Variants in CCND3 observed in about 807,000 individuals in gnomAD.
The protein encoded by CCND3 is cyclin D3.
A neutral mutation model predicts 28.7 loss-of-function variants in CCND3; 9 were observed. The ratio of observed to expected loss-of-function variants is 0.31; its 90% CI spans 0.19 to 0.55. The LOEUF (loss-of-function observed/expected upper bound fraction) is 0.55, where lower values mean the gene tolerates loss of function less well. Among genes scored for constraint, CCND3 ranks in the 20% least tolerant of loss-of-function variants. The pLI is 0.93. For synonymous variants in CCND3, 164 were observed against 163.9 expected (o/e 1.00, Z 0.00); for missense variants, 315 against 385.8 (o/e 0.82, Z 1.54).
chr6:42,010,987 G>C (rs1351316847), intron 1 of CCND3: 1 of 152,092 alleles, frequency 6.6e-6, no homozygotes, highest in Admixed American at 6.6e-5. Flanking sequence ...CACTTCAGGA[G>C]TTCATCCAAG....
In CCND3 at chr6:42,036,377, CTATATA is replaced by C. The variant is rs1162806893; in HGVS notation, c.-46+12118_-46+12123del. Among the ~76,000 whole-genome samples, 356 of 59,530 alleles carry C rather than the reference CTATATA, an allele frequency of 6.0e-3. 9 individuals carry two copies. The highest frequency in any genetic ancestry group is 8.8e-3 in the East Asian group (13 of 1,474). The allele number at this position is 59,530 out of a possible 152,430, so 39.1% of individuals were successfully genotyped here. A position where few individuals can be genotyped will look rare whatever the true frequency, so the allele number is the denominator to read the frequency against. On this transcript the variant is annotated intron_variant, in intron 1 of 4. Transcript: ENST00000372988. The stretch of plus-strand genomic sequence containing the variant: ...TTGCCCAGGCTGGAGTGCATATATA[CTATATA>C]TATATATATATATATATATATTTTT...
At position 41,983,631 on chromosome 6, in the gene CCND3, G is replaced by A. The variant is rs561804345; in HGVS notation, c.-45-43046C>T. On this transcript the variant is annotated intron_variant, in intron 1 of 4. Transcript: ENST00000372988. ...AGACAGATTAGATTGCTTGAGCCTA[G>A]GAATTCAAGACCCGCCTGGGCAACA... Among the ~76,000 whole-genome samples, 5 of 152,184 alleles carry A rather than the reference G, an allele frequency of 3.3e-5. No homozygotes were observed. The South Asian group carries it at 8.3e-4, about 25-fold the overall frequency.
Position 41,938,202 on chromosome 6 carries a change from C to T in CCND3, c.415-808G>A, listed in dbSNP as rs1021122036. ...AGGTCTCGGGAGAAGGCTGGGAGCT[C>T]CACCCCAGTCCACTCGTCATGGGTT... On this transcript the variant is annotated intron_variant, in intron 2 of 4. Transcript: ENST00000372991. This position sits in a 1 kb window ranked among gnomAD's most constrained non-coding sequence, Gnocchi z 4.6. The T allele has an allele frequency of 1.8e-4, 28 of 152,310 alleles. No homozygotes were observed. Among genetic ancestry groups the T allele is most frequent in the African/African-American group, 5.5e-4 (23 of 41,458 alleles). The allele number at this position is 152,310 out of a possible 1,614,324, so 9.4% of individuals were successfully genotyped here.
At chr6:42,043,831 G>A (rs4346850) in intron 1 of CCND3, among the ~76,000 whole-genome samples, 1 of 152,024 alleles carries the variant, frequency 6.6e-6, no homozygotes, top group Non-Finnish European at 1.5e-5. Flanking sequence ...ACCAGCAACC[G>A]TCTCCTTCCA....
intron 1 of CCND3, among the ~76,000 whole-genome samples, chr6:42,036,361 C>CTGGA (rs1173615771): frequency 8.4e-6 from 1 of 118,572 alleles, no homozygotes; most frequent in Non-Finnish European, 1.7e-5. Context: ...GTTGCCCAGG[C>CTGGA]TGGAGTGCAT....
intron 1 of CCND3, among the ~76,000 whole-genome samples, chr6:41,999,845 C>T (rs1053358274): frequency 3.9e-5 from 6 of 152,108 alleles, no homozygotes; most frequent in Middle Eastern, 3.2e-3. Flanking sequence ...GAGCTATGAT[C>T]GTGCCACTGC....
In CCND3 at chr6:41,936,023, C is replaced by G. The variant is rs2127389523; in HGVS notation, c.796G>C (p.Ala266Pro). The G allele has an allele frequency of 6.2e-7, 1 of 1,613,412 alleles. No individual in the cohort carries two copies. Among genetic ancestry groups the G allele is most frequent in the Non-Finnish European group, 8.5e-7 (1 of 1,179,624 alleles). Reference sequence around the variant, plus strand: ...CTGGAGCCCCGGGGGGCTTTGGGCGCTGGGCTGGAGCTGGTCTGAGAGGCT... The same window carrying G: ...CTGGAGCCCCGGGGGGCTTTGGGCGGTGGGCTGGAGCTGGTCTGAGAGGCT... The part of the protein sequence containing the change: ...REASQTSSSP[A>P]PKAPRGSSSQ... The change falls in exon 5 of 5, where the codon GCG becomes CCG. Residue 266 changes from alanine to proline, a missense_variant. By Grantham distance (27) the Ala-to-Pro change is conservative. Transcript: ENST00000372991. This position sits in a 1 kb window ranked among gnomAD's most constrained non-coding sequence, Gnocchi z 4.4.
intron 1 of CCND3, among the ~76,000 whole-genome samples, chr6:41,993,715 G>C (rs544600494): frequency 6.6e-6 from 1 of 151,716 alleles, no homozygotes; most frequent in African/African-American, 2.4e-5. Flanking sequence ...ACGAGGTCAG[G>C]AGTTTGAGAC....
intron 1 of CCND3, among the ~76,000 whole-genome samples, chr6:41,960,537 C>T (rs1262286601): frequency 1.3e-5 from 2 of 152,200 alleles, no homozygotes; most frequent in Non-Finnish European, 1.5e-5. Flanking sequence ...GTGAATCCCA[C>T]CTCTACCACT....
At chr6:41,963,001 T>G (rs1761763770) in intron 1 of CCND3, among the ~76,000 whole-genome samples, 1 of 152,308 alleles carries the variant, frequency 6.6e-6, no homozygotes, top group East Asian at 1.9e-4. Context: ...TCTGCCCGCC[T>G]CGGCCTCCCA....
At chr6:42,015,934 T>A (rs563265424) in intron 1 of CCND3, among the ~76,000 whole-genome samples, 5 of 151,738 alleles carry the variant, frequency 3.3e-5, no homozygotes, top group East Asian at 1.9e-4. Context: ...TTTATTTATT[T>A]TTTATTTATT....
Position 41,957,031 on chromosome 6 carries a change from A to AAAAC in CCND3, c.-45-16450_-45-16447dup, listed in dbSNP as rs368447729. Among the ~76,000 whole-genome samples the AAAAC allele has an allele frequency of 2.4e-4, 36 of 152,320 alleles. No individual in the cohort carries two copies. In the South Asian group the frequency reaches 5.6e-3, roughly 24 times the overall value. On this transcript the variant is annotated intron_variant, in intron 1 of 4. Coordinates refer to the CCND3 transcript ENST00000372988. ...GGGCAACAGAATGAGACTCCGTCTC[A>AAAAC]AAACAAACAAACAAACAAACAAAAA...
intron 1 of CCND3, among the ~76,000 whole-genome samples, chr6:42,006,918 AAAG>A (rs1274950886): frequency 2.0e-5 from 3 of 152,006 alleles, no homozygotes; most frequent in Non-Finnish European, 4.4e-5. Context: ...AAAAAAAAAA[AAAG>A]AAAAATTAAG....
chr6:41,951,630 C>T (rs1414883530), intron 1 of CCND3, among the ~76,000 whole-genome samples: 1 of 150,610 alleles, frequency 6.6e-6, no homozygotes, highest in African/African-American at 2.4e-5. Flanking sequence ...AGAGGGCATC[C>T]AAAGAAAGTT....
chr6:41,940,799 C>G, intron 1 of CCND3: 1 of 899,802 alleles, frequency 1.1e-6, no homozygotes, highest in Non-Finnish European at 1.9e-6. Flanking sequence ...CTCCCCTTGA[C>G]GGGGGAGTGG....
At chr6:41,987,821 G>C (rs930368186) in intron 1 of CCND3, among the ~76,000 whole-genome samples, 1 of 151,380 alleles carries the variant, frequency 6.6e-6, no homozygotes, top group Non-Finnish European at 1.5e-5. Context: ...TTTTCTGAAT[G>C]GTGAATTATA....
At chr6:42,009,507 G>C (rs541099802) in intron 1 of CCND3, among the ~76,000 whole-genome samples, 1 of 152,336 alleles carries the variant, frequency 6.6e-6, no homozygotes, top group South Asian at 2.1e-4. Flanking sequence ...AGCTACTCAG[G>C]AGGCTGAGGC....
chr6:41,995,351 G>C (rs1762770699), intron 1 of CCND3, among the ~76,000 whole-genome samples: 1 of 152,024 alleles, frequency 6.6e-6, no homozygotes, highest in Non-Finnish European at 1.5e-5. Context: ...TCCACCTCCA[G>C]GGTTCAAGCA....
In CCND3 at chr6:41,936,253, A is replaced by C; in HGVS notation, c.712-146T>G. On this transcript the variant is annotated intron_variant, in intron 4 of 4. Transcript: ENST00000372991. The surrounding 1 kb of genome is among the most constrained non-coding windows in gnomAD (Gnocchi z 4.4). The stretch of plus-strand genomic sequence containing the variant: ...CCCCAGGAATCGCTCTTTAGTTCTC[A>C]GAAACTAGCAAGAGGATGTGGCAAG... 3.5e-6 allele frequency: 3 copies of C among 865,860 alleles called. No homozygotes were observed. Among genetic ancestry groups the C allele is most frequent in the Non-Finnish European group, 5.2e-6 (3 of 577,632 alleles). The allele number at this position is 865,860 out of a possible 1,614,324, so 53.6% of individuals were successfully genotyped here. A position where few individuals can be genotyped will look rare whatever the true frequency, so the allele number is the denominator to read the frequency against.
Sources: allele counts gnomAD v4.1 joint callset (sites outside exome capture counted in the v4.1 genomes callset), GRCh38; gene constraint gnomAD v4.1.1; non-coding constraint Gnocchi (gnomAD v3.1); transcripts MANE v1.5; gene names NCBI Gene and HGNC (gene_info 2026-07-23, HGNC 2026-07-21).